CSMD1: variants seen among roughly 807,000 people sequenced by gnomAD.
The protein encoded by CSMD1 is CUB and sushi domain-containing protein 1.
In CSMD1, 213 loss-of-function variants were observed where a neutral mutation model predicts 417.5. The ratio of observed to expected loss-of-function variants is 0.51; its 90% confidence interval spans 0.46 to 0.57. CSMD1 has a LOEUF of 0.57. CSMD1 is among the 20% of genes least tolerant of loss of function. The pLI is 0.00. For missense variants in CSMD1, 6,923 were observed against 4,529.7 expected, an observed-to-expected ratio of 1.53 and a Z score of -15.17; for synonymous variants, 2,862 against 1,736.8, an observed-to-expected ratio of 1.65 and a Z score of -16.11.
At chr8:3,921,886 G>T (rs1322459491) in intron 5 of CSMD1, among the ~76,000 whole-genome samples, 1 of 152,100 alleles carries the variant, frequency 6.6e-6, no homozygotes, top group Non-Finnish European at 1.5e-5. Flanking sequence ...TTCTGCATGT[G>T]TCTGTTAGGT....
chr8:4,138,462 G>A (rs899954532), intron 3 of CSMD1, among the ~76,000 whole-genome samples: 43 of 152,002 alleles, frequency 2.8e-4, no homozygotes, highest in African/African-American at 1.0e-3. Context: ...AACGCAGGAG[G>A]AAATGCCTAC....
At chr8:4,704,691 G>C (rs1282479325) in intron 1 of CSMD1, among the ~76,000 whole-genome samples, 1 of 152,098 alleles carries the variant, frequency 6.6e-6, no homozygotes, top group African/African-American at 2.4e-5. Flanking sequence ...AAAGTATTTT[G>C]TTTGTTTGCT....
chr8:4,347,859 C>G (rs1204109025), intron 3 of CSMD1, among the ~76,000 whole-genome samples: 1 of 151,674 alleles, frequency 6.6e-6, no homozygotes, highest in Non-Finnish European at 1.5e-5. Context: ...AAAAACAGAT[C>G]AGAGGTAATT....
chr8:4,977,854 C>T (rs1056522733), intron 1 of CSMD1, among the ~76,000 whole-genome samples: 2 of 152,356 alleles, frequency 1.3e-5, no homozygotes, highest in Admixed American at 6.5e-5. Flanking sequence ...ATTGACTAAG[C>T]ACAGTGGAAG....
At chr8:4,358,141 A>C (rs985193299) in intron 3 of CSMD1, among the ~76,000 whole-genome samples, 1 of 152,186 alleles carries the variant, frequency 6.6e-6, no homozygotes, top group Non-Finnish European at 1.5e-5. Flanking sequence ...TTTATTCTCA[A>C]AATTTCCATG....
At chr8:4,199,544 C>G (rs1204428841) in intron 3 of CSMD1, among the ~76,000 whole-genome samples, 1 of 152,110 alleles carries the variant, frequency 6.6e-6, no homozygotes, top group Non-Finnish European at 1.5e-5. Context: ...AGTATTGAAT[C>G]CTCTCGGCTA....
intron 3 of CSMD1, among the ~76,000 whole-genome samples, chr8:4,247,142 A>C (rs1802763835): frequency 6.6e-6 from 1 of 152,208 alleles, no homozygotes; most frequent in South Asian, 2.1e-4. Context: ...ACCGTCCTCA[A>C]TATTGCTTTC....
chr8:3,559,438 C>G (rs548867667), intron 10 of CSMD1, among the ~76,000 whole-genome samples: 1 of 152,076 alleles, frequency 6.6e-6, no homozygotes, highest in African/African-American at 2.4e-5. Flanking sequence ...CATATTGTAA[C>G]GTTGCCAAGC....
At chr8:4,512,902 G>C (rs1340841362) in intron 2 of CSMD1, among the ~76,000 whole-genome samples, 1 of 151,598 alleles carries the variant, frequency 6.6e-6, no homozygotes, top group African/African-American at 2.4e-5. Flanking sequence ...AAGTTAATTT[G>C]AAAAAGCTAC....
intron 55 of CSMD1, among the ~76,000 whole-genome samples, chr8:2,974,829 G>A (rs528428276): frequency 9.2e-5 from 14 of 152,244 alleles, no homozygotes; most frequent in Non-Finnish European, 2.1e-4. Context: ...GAAAGGTCCC[G>A]TTTATGAAGT....
chr8:3,633,913 G>A (rs11992615), intron 7 of CSMD1, among the ~76,000 whole-genome samples: 21,531 of 151,966 alleles, frequency 0.14, 1,953 homozygotes, highest in African/African-American at 0.25. Flanking sequence ...AAATGCATAG[G>A]GCATAAAATA....
intron 3 of CSMD1, among the ~76,000 whole-genome samples, chr8:4,091,060 A>G (rs1800693955): frequency 6.6e-6 from 1 of 151,904 alleles, no homozygotes; most frequent in Admixed American, 6.6e-5. Flanking sequence ...CTGGGTCTAC[A>G]GGCACCCACC....
At chr8:2,993,189 G>A (rs28647888) in intron 54 of CSMD1, among the ~76,000 whole-genome samples, 9,670 of 152,152 alleles carry the variant, frequency 0.064, 1,044 homozygotes, top group African/African-American at 0.22. Flanking sequence ...TTTTACGTGC[G>A]TTTTAAAACT....
intron 50 of CSMD1, among the ~76,000 whole-genome samples, chr8:3,047,909 C>G (rs75995662): frequency 1.3e-5 from 2 of 152,262 alleles, no homozygotes; most frequent in East Asian, 3.9e-4. Context: ...TCTGTTTATG[C>G]CGTGAAGGCA....
chr8:4,140,690 G>C (rs1290539297), intron 3 of CSMD1, among the ~76,000 whole-genome samples: 1 of 150,656 alleles, frequency 6.6e-6, no homozygotes. Flanking sequence ...TAATAATAGA[G>C]TAGAAAACCC....
At chr8:3,905,268 A>G (rs576048705) in intron 5 of CSMD1, among the ~76,000 whole-genome samples, 1 of 152,368 alleles carries the variant, frequency 6.6e-6, no homozygotes, top group African/African-American at 2.4e-5. Flanking sequence ...CTTTCATACA[A>G]GAGTTAGGGA....
intron 1 of CSMD1, among the ~76,000 whole-genome samples, chr8:4,751,151 G>A (rs1175462462): frequency 6.6e-6 from 1 of 152,204 alleles, no homozygotes; most frequent in South Asian, 2.1e-4. Context: ...TTGGGAGGCC[G>A]AGGTGGGTGG....
At chr8:3,366,973 C>T in intron 20 of CSMD1, 59 bp downstream of exon 20, 4 of 1,308,954 alleles carry the variant, frequency 3.1e-6, no homozygotes, top group Non-Finnish European at 4.4e-6. Context: ...CACATTCTCA[C>T]TAACAGAAAT....
At chr8:3,571,416 T>A (rs982504540) in intron 10 of CSMD1, among the ~76,000 whole-genome samples, 1 of 152,228 alleles carries the variant, frequency 6.6e-6, no homozygotes, top group African/African-American at 2.4e-5. Context: ...TATATTGTTC[T>A]GAACTGGAAA....
Sources: allele counts gnomAD v4.1 joint callset (sites outside exome capture counted in the v4.1 genomes callset), GRCh38; gene constraint gnomAD v4.1.1; transcripts MANE v1.5; gene names NCBI Gene and HGNC (gene_info 2026-07-23, HGNC 2026-07-21).